PRDM6: variants seen among roughly 807,000 people sequenced by gnomAD.
PRDM6 encodes the protein PR/SET domain 6, also known as putative histone-lysine N-methyltransferase PRDM6.
A neutral mutation model predicts 60.8 loss-of-function variants in PRDM6; 25 were observed. The observed-to-expected ratio is 0.41, with a 90% confidence interval of 0.30 to 0.57. The LOEUF is 0.57. PRDM6 is among the 20% of genes least tolerant of loss of function. The probability of loss-of-function intolerance (pLI) is 0.27; values close to 1 mark genes in which losing one functional copy is unlikely to be tolerated. For synonymous variants in PRDM6, 407 were observed against 357.4 expected, an observed-to-expected ratio of 1.14 and a Z score of -1.57; for missense variants, 839 against 821.3, an observed-to-expected ratio of 1.02 and a Z score of -0.26.
intron 3 of PRDM6, among the ~76,000 whole-genome samples, chr5:123,136,165 G>T (rs375185): frequency 0.3 from 46,104 of 151,958 alleles, 7,431 homozygotes; most frequent in Middle Eastern, 0.37. Context: ...CAATTACAAG[G>T]TTATATTTCA....
chr5:123,172,918 G>A (rs77089700), intron 6 of PRDM6, among the ~76,000 whole-genome samples: 11,917 of 152,230 alleles, frequency 0.078, 501 homozygotes, highest in Non-Finnish European at 0.088. Context: ...GGGGCCGGGC[G>A]CAGTGGCTCA....
At chr5:123,131,136 C>G (rs1193516398) in intron 3 of PRDM6, among the ~76,000 whole-genome samples, 1 of 145,736 alleles carries the variant, frequency 6.9e-6, no homozygotes, top group East Asian at 1.9e-4. Flanking sequence ...AAAAATTGAT[C>G]TAATGGAAGC....
chr5:123,167,326 T>C (rs566315041), intron 5 of PRDM6, among the ~76,000 whole-genome samples: 1 of 152,286 alleles, frequency 6.6e-6, no homozygotes, highest in Non-Finnish European at 1.5e-5. Flanking sequence ...CACCCACACA[T>C]TCTTTTGTTT....
At chr5:123,140,035 G>A (rs1367637165) in intron 3 of PRDM6, among the ~76,000 whole-genome samples, 1 of 152,118 alleles carries the variant, frequency 6.6e-6, no homozygotes, top group Non-Finnish European at 1.5e-5. Flanking sequence ...AATGAACTGT[G>A]TAATTGGTAA....
chr5:123,170,469 G>A (rs1765859951), intron 5 of PRDM6, among the ~76,000 whole-genome samples: 1 of 152,180 alleles, frequency 6.6e-6, no homozygotes, highest in Admixed American at 6.5e-5. Flanking sequence ...CATAGGTGCA[G>A]TGTGGTGCTC....
At position 123,090,105 on chromosome 5, in the gene PRDM6, G is replaced by C; in HGVS notation, c.91G>C (p.Gly31Arg). The C allele has an allele frequency of 6.5e-7, 1 of 1,544,980 alleles. No homozygotes were observed. Among genetic ancestry groups the C allele is most frequent in the Non-Finnish European group, 8.7e-7 (1 of 1,144,670 alleles). Residue 31 changes from glycine (G) to arginine (R), a missense_variant, in exon 2 of 8, where the codon GGC becomes CGC. By Grantham distance (125) the Gly-to-Arg change is moderately radical (BLOSUM62 -2). Coordinates refer to ENST00000407847, the MANE Select transcript of PRDM6 (RefSeq NM_001136239.4). ...QHWQQLFPHG[G>R]AGPLKGSGAA... is the part of the protein sequence containing the mutation. ...CTGGCAGCAACTCTTCCCTCACGGA[G>C]GCGCAGGCCCGCTCAAGGGCAGCGG...
chr5:123,166,174 C>T (rs925908234), intron 5 of PRDM6, among the ~76,000 whole-genome samples: 1 of 152,010 alleles, frequency 6.6e-6, no homozygotes, highest in African/African-American at 2.4e-5. Flanking sequence ...CAGCCCATCT[C>T]CTCTTCTCTC....
intron 3 of PRDM6, among the ~76,000 whole-genome samples, chr5:123,114,489 C>A (rs767001602): frequency 6.6e-6 from 1 of 152,202 alleles, no homozygotes; most frequent in Admixed American, 6.5e-5. Context: ...CCCCTTGAGA[C>A]TTGTTGAGGT....
Position 123,155,911 on chromosome 5 carries a change from C to G in PRDM6, c.928C>G (p.His310Asp). The G allele has an allele frequency of 6.4e-7, 1 of 1,551,536 alleles. No individual in the cohort carries two copies. The highest frequency in any genetic ancestry group is 8.7e-7 in the Non-Finnish European group (1 of 1,146,878). Residue 310 changes from histidine (H) to aspartate (D), a missense_variant, in exon 4 of 8, where the codon CAC becomes GAC. Transcript: ENST00000407847. ...ATATGACCAGGATGGGACACTACAG[C>G]ACTTTATTGATGGTGGGGAACCTAG... ...EIYDQDGTLQ[H>D]FIDGGEPSKS...
intron 3 of PRDM6, among the ~76,000 whole-genome samples, chr5:123,145,937 T>A (rs1180968351): frequency 2.0e-5 from 3 of 152,180 alleles, no homozygotes; most frequent in Admixed American, 1.3e-4. Flanking sequence ...ATTACTTCAT[T>A]GGGACAAACA....
chr5:123,098,827 C>A (rs1406733912), intron 2 of PRDM6, among the ~76,000 whole-genome samples: 1 of 152,164 alleles, frequency 6.6e-6, no homozygotes, highest in East Asian at 1.9e-4. Context: ...ACCCCGGTCC[C>A]CCACCCCGCC....
At chr5:123,108,794 G>C (rs1252562677) in intron 3 of PRDM6, among the ~76,000 whole-genome samples, 1 of 152,078 alleles carries the variant, frequency 6.6e-6, no homozygotes, top group African/African-American at 2.4e-5. Flanking sequence ...GGGTTTTTGA[G>C]ACATGATTAT....
intron 3 of PRDM6, among the ~76,000 whole-genome samples, chr5:123,116,915 A>C (rs531955685): frequency 3.3e-5 from 5 of 152,346 alleles, no homozygotes; most frequent in Non-Finnish European, 4.4e-5. Context: ...GGACAGTGAA[A>C]TCAGCTTTCC....
At chr5:123,157,365 T>C (rs530931610) in intron 4 of PRDM6, among the ~76,000 whole-genome samples, 2 of 152,306 alleles carry the variant, frequency 1.3e-5, no homozygotes, top group South Asian at 4.1e-4. Context: ...TTAGTGAAGA[T>C]TGTACTTGTC....
chr5:123,132,428 T>C (rs1249377587), intron 3 of PRDM6, among the ~76,000 whole-genome samples: 2 of 152,148 alleles, frequency 1.3e-5, no homozygotes, highest in South Asian at 2.1e-4. Context: ...GTGTTTCCTC[T>C]TTCTAACTTA....
intron 3 of PRDM6, among the ~76,000 whole-genome samples, chr5:123,110,799 C>T (rs781765521): frequency 6.6e-6 from 1 of 152,020 alleles, no homozygotes; most frequent in Non-Finnish European, 1.5e-5. Flanking sequence ...CTCCCGACCT[C>T]AGTGATCTGC....
rs1031832686 is a variant in PRDM6, at chr5:123,187,465, T to G, written c.*264T>G. On this transcript the variant is annotated 3_prime_UTR_variant, in exon 8 of 8. Transcript: ENST00000407847. ...ATGGTTAACATTTCCAGTCCCACCA[T>G]GTATTTTGCTTTGTTTCTAAAAAGC... 3.7e-6 allele frequency: 1 copy of G among 268,392 alleles called. No homozygotes were observed. Among genetic ancestry groups the G allele is most frequent in the African/African-American group, 2.2e-5 (1 of 45,374 alleles). 16.6% of individuals were successfully genotyped at this position (268,392 alleles called of 1,614,324 possible).
chr5:123,180,509 T>C (rs1425053642), intron 7 of PRDM6, among the ~76,000 whole-genome samples, 186 bp downstream of exon 7: 1 of 152,244 alleles, frequency 6.6e-6, no homozygotes, highest in East Asian at 1.9e-4. Context: ...TCAGGAAACC[T>C]ATGCACTGGT....
At chr5:123,181,957 A>G (rs1338058671) in intron 7 of PRDM6, among the ~76,000 whole-genome samples, 2 of 152,190 alleles carry the variant, frequency 1.3e-5, no homozygotes, top group Non-Finnish European at 2.9e-5. Context: ...ATTCTCCAAC[A>G]TAGTTTAATT....
Sources: gnomAD v4.1 joint callset for allele counts (sites outside exome capture counted in the v4.1 genomes callset) on GRCh38, gnomAD v4.1.1 for gene constraint, MANE v1.5 for transcripts, NCBI Gene and HGNC (gene_info 2026-07-23, HGNC 2026-07-21) for gene names.